Variants in PRKCE observed in about 807,000 individuals in gnomAD.
PRKCE encodes protein kinase C epsilon, also known as protein kinase C epsilon type.
Under a neutral mutation model 85.4 loss-of-function variants are expected in PRKCE, and 16 were observed. The ratio of observed to expected loss-of-function variants is 0.19; its 90% CI spans 0.13 to 0.28. The LOEUF is 0.28. Among genes scored for constraint, PRKCE ranks in the 10% least tolerant of loss-of-function variants. PRKCE has a pLI of 1.00. For synonymous variants in PRKCE, 388 were observed against 371.5 expected (o/e 1.04, Z -0.51); for missense variants, 573 against 975.2 (o/e 0.59, Z 5.49).
At chr2:45,814,685 G>T (rs1237935262) in intron 1 of PRKCE, among the ~76,000 whole-genome samples, 1 of 152,200 alleles carries the variant, frequency 6.6e-6, no homozygotes, top group African/African-American at 2.4e-5. Flanking sequence ...CAGGCATCTT[G>T]ATTCTTTTAG....
intron 1 of PRKCE, among the ~76,000 whole-genome samples, chr2:45,658,848 T>C (rs1205689180): frequency 1.3e-5 from 2 of 152,240 alleles, no homozygotes; most frequent in African/African-American, 4.8e-5. Context: ...TTGACTTAGT[T>C]ATACTTAACA....
intron 1 of PRKCE, among the ~76,000 whole-genome samples, chr2:45,740,363 A>G (rs1364461227): frequency 6.6e-6 from 1 of 152,156 alleles, no homozygotes; most frequent in African/African-American, 2.4e-5. Flanking sequence ...AAGCATCATT[A>G]TCTCCACTCC....
Position 46,008,234 on chromosome 2 carries a change from C to G in PRKCE, c.1263+573C>G, listed in dbSNP as rs61758288. Among the ~76,000 whole-genome samples the G allele has an allele frequency of 5.8e-3, 879 of 152,284 alleles. 11 individuals are homozygous for G. Among genetic ancestry groups the G allele is most frequent in the African/African-American group, 0.02 (834 of 41,562 alleles). On this transcript the variant is annotated intron_variant, in intron 9 of 14. Coordinates refer to ENST00000306156, the MANE Select transcript of PRKCE (RefSeq NM_005400.3). ...ATCTCATGCCTCGGATCAGGGTCCT[C>G]TGCCCTTGGTGCCATTCTCCATATC... is the stretch of plus-strand genomic sequence containing the variant.
chr2:45,893,044 C>T (rs1321219784), intron 2 of PRKCE, among the ~76,000 whole-genome samples: 1 of 152,138 alleles, frequency 6.6e-6, no homozygotes, highest in Non-Finnish European at 1.5e-5. Flanking sequence ...AGGGGCTCTC[C>T]AAGATGGGCT....
intron 1 of PRKCE, among the ~76,000 whole-genome samples, chr2:45,733,007 G>T (rs1681722014): frequency 6.6e-6 from 1 of 152,214 alleles, no homozygotes; most frequent in Non-Finnish European, 1.5e-5. Flanking sequence ...AAAACAACTT[G>T]GCTCTACCAT....
rs760319701 is a variant in PRKCE at position 45,652,199 on chromosome 2, G to A, written c.99G>A (p.Pro33=). The change falls in exon 1 of 15, where the codon CCG becomes CCA. Residue 33 remains proline (P), a synonymous_variant. Coordinates refer to ENST00000306156, the MANE Select transcript of PRKCE (RefSeq NM_005400.3). The surrounding 1 kb of genome is among the most constrained non-coding windows in gnomAD (Gnocchi z 7.7). The part of the protein sequence containing the change: ...WSLRHAVGPR[P]QTFLLDPYIA... ...TGCGCCATGCGGTGGGACCCCGGCC[G>A]CAGACTTTCCTTCTCGACCCCTACA... 1.9e-6 allele frequency: 3 copies of A among 1,613,280 alleles called. No homozygotes were observed. In the African/African-American group the frequency reaches 4.0e-5, roughly 22 times the overall value.
chr2:45,874,393 G>A (rs1229562318), intron 2 of PRKCE, among the ~76,000 whole-genome samples: 1 of 152,212 alleles, frequency 6.6e-6, no homozygotes, highest in Non-Finnish European at 1.5e-5. Flanking sequence ...CTGGCCTCCT[G>A]TCCGGCCATC....
At chr2:46,150,365 G>T (rs536485180) in intron 12 of PRKCE, among the ~76,000 whole-genome samples, 2 of 152,184 alleles carry the variant, frequency 1.3e-5, no homozygotes, top group Non-Finnish European at 2.9e-5. Context: ...CAAAGGAAGG[G>T]GGCCTACGGT....
intron 2 of PRKCE, among the ~76,000 whole-genome samples, chr2:45,945,097 T>G (rs2711297): frequency 0.11 from 16,553 of 152,134 alleles, 1,279 homozygotes; most frequent in Admixed American, 0.25. Context: ...ACCAATGCAT[T>G]AAGAGTAAGA....
At chr2:45,670,490 T>G (rs1428809307) in intron 1 of PRKCE, among the ~76,000 whole-genome samples, 1 of 152,220 alleles carries the variant, frequency 6.6e-6, no homozygotes, top group Non-Finnish European at 1.5e-5. Flanking sequence ...AAATATTGCC[T>G]TATAAAACTC....
chr2:45,873,192 G>C (rs1573697559), intron 2 of PRKCE, among the ~76,000 whole-genome samples: 1 of 152,296 alleles, frequency 6.6e-6, no homozygotes, highest in South Asian at 2.1e-4. Flanking sequence ...CTAATTCCTG[G>C]AGTGAAGCTT....
intron 1 of PRKCE, among the ~76,000 whole-genome samples, chr2:45,743,045 C>T (rs1201862225): frequency 6.6e-6 from 1 of 152,102 alleles, no homozygotes; most frequent in Non-Finnish European, 1.5e-5. Context: ...TGCATGATCT[C>T]ATTTATATGT....
intron 1 of PRKCE, among the ~76,000 whole-genome samples, chr2:45,704,942 T>C (rs915422290): frequency 6.6e-6 from 1 of 152,206 alleles, no homozygotes; most frequent in Non-Finnish European, 1.5e-5. Flanking sequence ...TCTCAGCCCC[T>C]TTCCTTTGTC....
At chr2:45,883,912 C>T (rs1416769906) in intron 2 of PRKCE, among the ~76,000 whole-genome samples, 5 of 152,246 alleles carry the variant, frequency 3.3e-5, no homozygotes, top group Non-Finnish European at 7.4e-5. Flanking sequence ...TTGCTTCCCA[C>T]GTTGTCAATG....
intron 1 of PRKCE, among the ~76,000 whole-genome samples, chr2:45,817,580 G>A (rs1006111096): frequency 6.6e-6 from 1 of 152,042 alleles, no homozygotes; most frequent in Non-Finnish European, 1.5e-5. Context: ...TGTAGTCCCA[G>A]CTACTCAGGA....
chr2:45,686,311 TAAC>T (rs1255097424), intron 1 of PRKCE: 1 of 152,228 alleles, frequency 6.6e-6, no homozygotes, highest in African/African-American at 2.4e-5. Flanking sequence ...AATACAGAGC[TAAC>T]AAGATTACAT....
At position 45,877,717 on chromosome 2, in the gene PRKCE, G is replaced by T. The variant is rs910579540; in HGVS notation, c.412+34654G>T. Among the ~76,000 whole-genome samples the T allele has an allele frequency of 3.3e-5, 5 of 150,202 alleles. No individual in the cohort carries two copies. In the South Asian group the frequency reaches 1.1e-3, roughly 33 times the overall value. On this transcript the variant is annotated intron_variant, in intron 2 of 14. Coordinates refer to ENST00000306156, the MANE Select transcript of PRKCE (RefSeq NM_005400.3). The stretch of plus-strand genomic sequence containing the variant: ...ATGCCAACACCTGAAGTCTTTTGTT[G>T]TTCTTATGGTTTTCAGCTGGTTCTT...
At chr2:46,174,536 G>A (rs866611625) in intron 14 of PRKCE, among the ~76,000 whole-genome samples, 3 of 152,084 alleles carry the variant, frequency 2.0e-5, no homozygotes, top group Non-Finnish European at 2.9e-5. Flanking sequence ...CGGTGTCCCC[G>A]ACAGGTGGCA....
intron 1 of PRKCE, among the ~76,000 whole-genome samples, chr2:45,818,516 CTG>C (rs1193098413): frequency 6.6e-6 from 1 of 152,204 alleles, no homozygotes; most frequent in Non-Finnish European, 1.5e-5. Context: ...CTCTCAGAAA[CTG>C]TGCTATTAAA....
Sources: allele counts gnomAD v4.1 joint callset (sites outside exome capture counted in the v4.1 genomes callset), GRCh38; gene constraint gnomAD v4.1.1; non-coding constraint Gnocchi (gnomAD v3.1); transcripts MANE v1.5; gene names NCBI Gene and HGNC (gene_info 2026-07-23, HGNC 2026-07-21).